Variants in GPR176 observed in about 807,000 individuals in gnomAD.
GPR176 encodes the protein G-protein coupled receptor 176.
GPR176 carries 26 observed loss-of-function variants against 35.4 expected under a neutral mutation model. The observed-to-expected ratio is 0.74, with a 90% CI of 0.54 to 1.02. The LOEUF (loss-of-function observed/expected upper bound fraction) is 1.02. Ranked by LOEUF, GPR176 falls within the 50% of genes least tolerant of loss-of-function variation. The probability of loss-of-function intolerance (pLI) is 0.00; values close to 1 mark genes in which losing one functional copy is unlikely to be tolerated. For missense variants in GPR176, 597 were observed against 665.3 expected (o/e 0.90, Z 1.13); for synonymous variants, 278 against 271.3 (o/e 1.02, Z -0.24).
Position 39,914,269 on chromosome 15 carries a change from A to G in GPR176, c.172+5586T>C, listed in dbSNP as rs182824417. 8.4e-3 allele frequency among the ~76,000 whole-genome samples: 1,209 copies of G among 144,742 alleles called. 16 individuals carry two copies. The highest frequency in any genetic ancestry group is 0.014 in the Middle Eastern group (4 of 276). 95.0% of individuals were successfully genotyped at this position (144,742 alleles called of 152,430 possible). On this transcript the variant is annotated intron_variant, in intron 1 of 2. Transcript: ENST00000561100. Reference sequence around the variant, plus strand: ...TAAGCTAGTAACTATTGATCCTACCACCTCCTGCCTCCTTAGGCATCAATT... The same window carrying G: ...TAAGCTAGTAACTATTGATCCTACCGCCTCCTGCCTCCTTAGGCATCAATT...
chr15:39,889,836 T>C (rs1009744024), intron 1 of GPR176, among the ~76,000 whole-genome samples: 1 of 152,136 alleles, frequency 6.6e-6, no homozygotes, highest in African/African-American at 2.4e-5. Flanking sequence ...AATGAATGTA[T>C]GCACAAAAGA....
At chr15:39,907,434 A>C (rs1190005786) in intron 1 of GPR176, among the ~76,000 whole-genome samples, 1 of 152,148 alleles carries the variant, frequency 6.6e-6, no homozygotes, top group Non-Finnish European at 1.5e-5. Flanking sequence ...TTTCACCCCC[A>C]AAGGAGAGTT....
chr15:39,881,364 A>G (rs1406465536), intron 1 of GPR176, among the ~76,000 whole-genome samples: 2 of 152,242 alleles, frequency 1.3e-5, no homozygotes, highest in African/African-American at 4.8e-5. Flanking sequence ...ACTTCCTATT[A>G]AAAGGCATGA....
intron 1 of GPR176, among the ~76,000 whole-genome samples, chr15:39,833,236 G>C (rs1901203521): frequency 6.6e-6 from 1 of 152,084 alleles, no homozygotes; most frequent in African/African-American, 2.4e-5. Flanking sequence ...AATAGCCAAA[G>C]AGCAGAAACA....
intron 1 of GPR176, among the ~76,000 whole-genome samples, chr15:39,893,088 TAA>T (rs1006178880): frequency 1.4e-4 from 20 of 142,562 alleles, no homozygotes; most frequent in African/African-American, 5.1e-4. Context: ...TATTGATCTC[TAA>T]CTCTCTTTTT....
At chr15:39,860,453 A>G (rs1206829111) in intron 1 of GPR176, among the ~76,000 whole-genome samples, 1 of 152,212 alleles carries the variant, frequency 6.6e-6, no homozygotes, top group Non-Finnish European at 1.5e-5. Context: ...GGGGAGTTCA[A>G]TGGCCTTCTT....
chr15:39,819,689 A>G (rs1418273064), intron 1 of GPR176, among the ~76,000 whole-genome samples: 1 of 152,228 alleles, frequency 6.6e-6, no homozygotes, highest in Non-Finnish European at 1.5e-5. Flanking sequence ...CGTACAGGGA[A>G]TACTCATGCA....
intron 1 of GPR176, among the ~76,000 whole-genome samples, chr15:39,888,543 C>T (rs988623939): frequency 2.0e-5 from 3 of 152,238 alleles, no homozygotes; most frequent in Non-Finnish European, 2.9e-5. Context: ...ATCCTCCTGC[C>T]TTGGACTTCC....
chr15:39,847,550 C>T (rs1222013405), intron 1 of GPR176, among the ~76,000 whole-genome samples: 2 of 151,948 alleles, frequency 1.3e-5, no homozygotes, highest in African/African-American at 4.8e-5. Context: ...TCAAGGCCAG[C>T]CTGGCTAACA....
At chr15:39,857,445 G>A (rs2031296122) in intron 1 of GPR176, among the ~76,000 whole-genome samples, 1 of 152,174 alleles carries the variant, frequency 6.6e-6, no homozygotes, top group South Asian at 2.1e-4. Flanking sequence ...GGGAGGTTGA[G>A]GACTGCTTGA....
rs763083620 is a variant in GPR176 at position 39,801,407 on chromosome 15, G to GGT, written c.1272_1273insAC (p.Leu425ThrfsTer2). ...TGGGATACAGAGTCCACTGTGCTCA[G>GGT]GGGTGGGGCAGAGGGCGCAAACTGT... On this transcript the variant is annotated frameshift_variant, in exon 3 of 3. Coordinates refer to ENST00000561100, the MANE Select transcript of GPR176 (RefSeq NM_007223.3). LOFTEE classifies it high-confidence loss of function. 1 of 1,614,230 alleles carries GGT rather than the reference G, an allele frequency of 6.2e-7. No homozygotes were observed. Among genetic ancestry groups the GGT allele is most frequent in the South Asian group, 1.1e-5 (1 of 91,086 alleles).
At chr15:39,887,928 G>A (rs566916812) in intron 1 of GPR176, among the ~76,000 whole-genome samples, 105 of 152,166 alleles carry the variant, frequency 6.9e-4, no homozygotes, top group Non-Finnish European at 1.3e-3. Flanking sequence ...ATCTGCAAAG[G>A]AGTCTAGGAA....
rs544015324 is a variant in GPR176 at position 39,915,872 on chromosome 15, G to A, written c.172+3983C>T. Among the ~76,000 whole-genome samples the A allele has an allele frequency of 5.3e-5, 8 of 152,214 alleles. No homozygotes were observed. The South Asian group carries it at 8.3e-4, about 16-fold the overall frequency. ...GCCAGCCTGAGCGACAGAGTGAGAC[G>A]CCATCTCAAAACAAAAAGAATTAAA... On this transcript the variant is annotated intron_variant, in intron 1 of 2. Coordinates refer to ENST00000561100, the MANE Select transcript of GPR176 (RefSeq NM_007223.3).
At chr15:39,882,484 C>T (rs1384706313) in intron 1 of GPR176, among the ~76,000 whole-genome samples, 3 of 152,240 alleles carry the variant, frequency 2.0e-5, no homozygotes, top group South Asian at 2.1e-4. Context: ...ACCCAATCTA[C>T]GGAAGAGACT....
intron 1 of GPR176, among the ~76,000 whole-genome samples, chr15:39,896,961 C>T (rs1443365085): frequency 6.6e-6 from 1 of 152,246 alleles, no homozygotes; most frequent in Non-Finnish European, 1.5e-5. Flanking sequence ...ATTTAAAACA[C>T]TGCCTCTATC....
Position 39,852,535 on chromosome 15 carries a change from C to T in GPR176, c.173-45277G>A, listed in dbSNP as rs58774997. On this transcript the variant is annotated intron_variant, in intron 1 of 2. Transcript: ENST00000561100. ...AAGTGAACTAGTCCACACCCATCAA[C>T]TCAGGCAGTTAAAATATGATGCAAA... 9.9e-3 allele frequency among the ~76,000 whole-genome samples: 1,504 copies of T among 152,306 alleles called. 25 individuals are homozygous for T. The highest frequency in any genetic ancestry group is 0.034 in the African/African-American group (1,415 of 41,574).
intron 1 of GPR176, among the ~76,000 whole-genome samples, chr15:39,872,483 C>T (rs541144460): frequency 2.1e-4 from 32 of 152,150 alleles, no homozygotes; most frequent in Non-Finnish European, 2.9e-4. Context: ...CAACTTTATC[C>T]TCTAGGTAAT....
chr15:39,857,743 C>T (rs1483282115), intron 1 of GPR176, among the ~76,000 whole-genome samples: 8 of 151,708 alleles, frequency 5.3e-5, no homozygotes, highest in Non-Finnish European at 8.8e-5. Context: ...CCAAGGCGGG[C>T]GGATCACAAG....
At chr15:39,902,235 A>C (rs1252090906) in intron 1 of GPR176, among the ~76,000 whole-genome samples, 1 of 152,232 alleles carries the variant, frequency 6.6e-6, no homozygotes, top group Non-Finnish European at 1.5e-5. Context: ...ATCACAAAAG[A>C]GGCAGGGTGA....
Sources: allele counts gnomAD v4.1 joint callset (sites outside exome capture counted in the v4.1 genomes callset), GRCh38; gene constraint gnomAD v4.1.1; transcripts MANE v1.5; gene names NCBI Gene and HGNC (gene_info 2026-07-23, HGNC 2026-07-21).